The following TADA2A variants were observed in gnomAD, a reference collection of about 807,000 sequenced individuals.
The protein encoded by TADA2A is transcriptional adapter 2-alpha.
Under a neutral mutation model 67.4 loss-of-function variants are expected in TADA2A, and 38 were observed. The ratio of observed to expected loss-of-function variants is 0.56; its 90% CI spans 0.44 to 0.74. The LOEUF is 0.74. Ranked by LOEUF, TADA2A falls within the 30% of genes least tolerant of loss-of-function variation. The pLI is 0.00. For synonymous variants in TADA2A, 192 were observed against 181.6 expected (o/e 1.06, Z -0.46); for missense variants, 454 against 547.0 (o/e 0.83, Z 1.70).
chr17:37,458,580 C>T lies in TADA2A; in HGVS notation c.661C>T (p.Arg221Ter). The T allele has an allele frequency of 3.7e-6, 6 of 1,611,344 alleles. No individual in the cohort carries two copies. Among genetic ancestry groups the T allele is most frequent in the South Asian group, 1.1e-5 (1 of 90,976 alleles). ...TTCCAGGTTAAAGGAGAGACAAAGA[C>T]GAAAAAAGTAAGTATAAAAAACCAT... ...YHSRLKERQRRKKIIRDHGLI... is the reference protein window; with the variant it reads ...YHSRLKERQR Residue 221 changes from arginine to a stop codon, truncating the protein, a stop_gained, in exon 9 of 16, where the codon CGA becomes TGA. Transcript: ENST00000615182. LOFTEE classifies it high-confidence loss of function.
chr17:37,410,470 C>CT (rs1481158467), intron 1 of TADA2A, among the ~76,000 whole-genome samples: 1 of 151,998 alleles, frequency 6.6e-6, no homozygotes, highest in Non-Finnish European at 1.5e-5. Flanking sequence ...GCCACTGTGC[C>CT]TGGCCCTGTT....
At chr17:37,451,570 C>T (rs1458532600) in intron 8 of TADA2A, among the ~76,000 whole-genome samples, 2 of 152,144 alleles carry the variant, frequency 1.3e-5, no homozygotes, top group Non-Finnish European at 2.9e-5. Flanking sequence ...CATCTGCCCA[C>T]CTCAGTTTCT....
intron 5 of TADA2A, among the ~76,000 whole-genome samples, chr17:37,440,258 A>C (rs1486766430): frequency 2.0e-5 from 3 of 152,062 alleles, no homozygotes; most frequent in Admixed American, 1.3e-4. Context: ...TCTTTCTTTA[A>C]GTGGAAAAGA....
intron 8 of TADA2A, among the ~76,000 whole-genome samples, chr17:37,450,102 T>G (rs2053191440): frequency 6.6e-6 from 1 of 152,212 alleles, no homozygotes; most frequent in Admixed American, 6.5e-5. Flanking sequence ...AAACTCATAA[T>G]GTCTTAAAAA....
chr17:37,463,708 T>G lies in TADA2A; in HGVS notation c.712+1587T>G, dbSNP rs1597933566. On this transcript the variant is annotated intron_variant, in intron 10 of 15. Transcript: ENST00000615182. ...TCCAGTTGTCCAGGCTGGAGTGCAGTGGCTCAGCTCACTGCAGTCTCCGCC... is the reference window on the plus strand; with the variant it reads ...TCCAGTTGTCCAGGCTGGAGTGCAGGGGCTCAGCTCACTGCAGTCTCCGCC... 3.3e-5 allele frequency among the ~76,000 whole-genome samples: 5 copies of G among 151,888 alleles called. 1 individual carries two copies. The highest frequency in any genetic ancestry group is 3.3e-4 in the Admixed American group (5 of 15,276).
intron 3 of TADA2A, chr17:37,426,387 T>C (rs2052404320): frequency 1.3e-5 from 2 of 152,100 alleles, no homozygotes; most frequent in Admixed American, 1.3e-4. Flanking sequence ...AAAAAATTGT[T>C]GTCCGGGCTC....
At chr17:37,472,146 A>G (rs895281655) in intron 14 of TADA2A, among the ~76,000 whole-genome samples, 3 of 151,800 alleles carry the variant, frequency 2.0e-5, no homozygotes, top group African/African-American at 7.3e-5. Flanking sequence ...GCTCACTGCA[A>G]CCTCTGCCTT....
At chr17:37,465,713 G>A (rs2053651061) in intron 11 of TADA2A, 172 bp downstream of exon 11, 1 of 1,199,030 alleles carries the variant, frequency 8.3e-7, no homozygotes. Context: ...GCAGAAGAGA[G>A]GTTAAAAAGC....
chr17:37,475,712 C>G (rs1343639077), intron 15 of TADA2A, among the ~76,000 whole-genome samples: 3 of 152,200 alleles, frequency 2.0e-5, no homozygotes, highest in Non-Finnish European at 4.4e-5. Flanking sequence ...GTGATCCACT[C>G]ACACCAGCTC....
chr17:37,423,372 TA>T, intron 2 of TADA2A, 136 bp from the exon 3 acceptor site: 1 of 625,498 alleles, frequency 1.6e-6, no homozygotes, highest in Non-Finnish European at 2.7e-6. Context: ...TTTTTATTTG[TA>T]ATGAGCTCAT....
intron 2 of TADA2A, 69 bp downstream of exon 2, chr17:37,411,459 G>A: frequency 2.1e-6 from 3 of 1,446,618 alleles, no homozygotes; most frequent in Non-Finnish European, 2.9e-6. Context: ...CTCTCCCTCT[G>A]TTGCCCAGGC....
At chr17:37,417,623 C>G (rs1421524193) in intron 2 of TADA2A, among the ~76,000 whole-genome samples, 1 of 151,944 alleles carries the variant, frequency 6.6e-6, no homozygotes, top group African/African-American at 2.4e-5. Flanking sequence ...CCATCTCTGC[C>G]TCCTAGGTTC....
Position 37,439,179 on chromosome 17 carries a change from A to G in TADA2A, c.285-1326A>G, listed in dbSNP as rs577486020. ...ATGCAGTGGTGTGATCACAGTCACT[A>G]TAACCCCGAACTCCTGGGCTCAAGG... On this transcript the variant is annotated intron_variant, in intron 5 of 15. Coordinates refer to ENST00000615182, the MANE Select transcript of TADA2A (RefSeq NM_001166105.3). Among the ~76,000 whole-genome samples, 14 of 152,210 alleles carry G rather than the reference A, an allele frequency of 9.2e-5. No homozygotes were observed. In the South Asian group the frequency reaches 1.9e-3, roughly 20 times the overall value.
chr17:37,411,621 G>T lies in TADA2A; in HGVS notation c.25+231G>T, dbSNP rs565182651. Among the ~76,000 whole-genome samples the T allele has an allele frequency of 1.5e-4, 22 of 151,700 alleles. No individual in the cohort carries two copies. The South Asian group carries it at 1.5e-3, about 10-fold the overall frequency. ...TTATTTTTATTTTTAGTAGAGATAG[G>T]GTTTTACCATGTTGGCCAGACTGGT... is the stretch of plus-strand genomic sequence containing the variant. On this transcript the variant is annotated intron_variant, in intron 2 of 15. Transcript: ENST00000615182.
At chr17:37,430,721 T>C (rs184180715) in intron 4 of TADA2A, among the ~76,000 whole-genome samples, 1 of 152,354 alleles carries the variant, frequency 6.6e-6, no homozygotes, top group Admixed American at 6.5e-5. Context: ...TTAATTCAAC[T>C]TTTTGTAAAA....
intron 9 of TADA2A, among the ~76,000 whole-genome samples, chr17:37,459,965 C>T (rs1173543048): frequency 6.6e-6 from 1 of 151,444 alleles, no homozygotes; most frequent in Admixed American, 6.6e-5. Flanking sequence ...ACTCGGGAGG[C>T]TGAGGCAGGA....
chr17:37,438,320 T>C (rs2052795641), intron 5 of TADA2A, among the ~76,000 whole-genome samples: 1 of 152,254 alleles, frequency 6.6e-6, no homozygotes, highest in African/African-American at 2.4e-5. Flanking sequence ...TGAATAGCAC[T>C]TATTGCTGTT....
chr17:37,422,571 A>G (rs765006460), intron 2 of TADA2A, among the ~76,000 whole-genome samples: 4 of 151,484 alleles, frequency 2.6e-5, no homozygotes, highest in Non-Finnish European at 4.4e-5. Context: ...CAGTGGCACA[A>G]TCTTGGCTCA....
intron 14 of TADA2A, among the ~76,000 whole-genome samples, chr17:37,473,100 C>T (rs894316079): frequency 5.4e-5 from 8 of 148,288 alleles, no homozygotes; most frequent in African/African-American, 2.0e-4. Context: ...GCTGGGACTA[C>T]AGGTGAATGC....
Sources: gnomAD v4.1 joint callset for allele counts (sites outside exome capture counted in the v4.1 genomes callset) on GRCh38, gnomAD v4.1.1 for gene constraint, MANE v1.5 for transcripts, NCBI Gene and HGNC (gene_info 2026-07-23, HGNC 2026-07-21) for gene names.